Variants in CA10 observed in about 807,000 individuals in gnomAD.
CA10 encodes carbonic anhydrase 10 (inactive), also known as carbonic anhydrase-related protein 10.
Under a neutral mutation model 44.2 loss-of-function variants are expected in CA10, and 14 were observed. The ratio of observed to expected loss-of-function variants is 0.32; its 90% confidence interval spans 0.21 to 0.50. The LOEUF (loss-of-function observed/expected upper bound fraction) is 0.50, where lower values mean the gene tolerates loss of function less well. CA10 is among the 20% of genes least tolerant of loss of function. CA10 has a pLI of 0.99. For synonymous variants in CA10, 159 were observed against 141.6 expected, an observed-to-expected ratio of 1.12 and a Z score of -0.87; for missense variants, 350 against 409.7, an observed-to-expected ratio of 0.85 and a Z score of 1.26.
intron 2 of CA10, among the ~76,000 whole-genome samples, chr17:51,935,965 C>T (rs1982848534): frequency 6.6e-6 from 1 of 152,252 alleles, no homozygotes; most frequent in Non-Finnish European, 1.5e-5. Context: ...TTAGATTGTG[C>T]TTTTAGGCAT....
intron 3 of CA10, among the ~76,000 whole-genome samples, chr17:51,925,084 T>G (rs1196274252): frequency 6.6e-6 from 1 of 152,160 alleles, no homozygotes; most frequent in African/African-American, 2.4e-5. Flanking sequence ...AGATGGGGTC[T>G]TATTATGTTG....
At chr17:51,863,452 C>T (rs1315675688) in intron 3 of CA10, among the ~76,000 whole-genome samples, 2 of 152,192 alleles carry the variant, frequency 1.3e-5, no homozygotes, top group Admixed American at 1.3e-4. Flanking sequence ...AATAGCCTTA[C>T]CATTGCTGGG....
chr17:51,867,554 G>A (rs557445287), intron 3 of CA10, among the ~76,000 whole-genome samples: 2 of 152,286 alleles, frequency 1.3e-5, no homozygotes, highest in East Asian at 1.9e-4. Context: ...GAATTAAAGC[G>A]ATGTTGCAGG....
At chr17:52,126,944 A>T (rs1287637820) in intron 1 of CA10, among the ~76,000 whole-genome samples, 3 of 152,188 alleles carry the variant, frequency 2.0e-5, no homozygotes, top group African/African-American at 7.2e-5. Context: ...AAGTGAGGAG[A>T]GAATGTAGCA....
At chr17:51,705,768 C>T (rs1004472337) in intron 4 of CA10, among the ~76,000 whole-genome samples, 3 of 152,118 alleles carry the variant, frequency 2.0e-5, no homozygotes, top group African/African-American at 7.2e-5. Flanking sequence ...AAAATGGATG[C>T]AACAATAGCT....
intron 2 of CA10, among the ~76,000 whole-genome samples, chr17:52,068,824 G>C (rs951501339): frequency 1.3e-5 from 2 of 152,176 alleles, no homozygotes; most frequent in African/African-American, 4.8e-5. Context: ...GGCATGAATA[G>C]AACTGTTTAT....
At chr17:51,680,613 T>C (rs1914811998) in intron 4 of CA10, among the ~76,000 whole-genome samples, 2 of 152,258 alleles carry the variant, frequency 1.3e-5, no homozygotes, top group Admixed American at 6.5e-5. Flanking sequence ...TGGGTTGTCA[T>C]ACTAATTAGG....
chr17:52,129,580 G>A (rs1047827107), intron 1 of CA10, among the ~76,000 whole-genome samples: 1 of 152,212 alleles, frequency 6.6e-6, no homozygotes, highest in African/African-American at 2.4e-5. Flanking sequence ...AGCTTAACCA[G>A]TGAGACTTTC....
At chr17:51,699,357 A>T (rs886186966) in intron 4 of CA10, among the ~76,000 whole-genome samples, 5 of 151,890 alleles carry the variant, frequency 3.3e-5, no homozygotes, top group African/African-American at 1.2e-4. Flanking sequence ...CTTTGGGTAT[A>T]TACCCAGAAG....
chr17:51,681,673 T>A (rs936732173), intron 4 of CA10, among the ~76,000 whole-genome samples: 1 of 152,150 alleles, frequency 6.6e-6, no homozygotes, highest in African/African-American at 2.4e-5. Flanking sequence ...GAAAAATAAG[T>A]CGTGGCTGTT....
chr17:51,864,455 A>T (rs1979456064), intron 3 of CA10, among the ~76,000 whole-genome samples: 1 of 152,206 alleles, frequency 6.6e-6, no homozygotes, highest in Non-Finnish European at 1.5e-5. Context: ...TACTTCTGGC[A>T]TTTGAAGCCC....
intron 2 of CA10, among the ~76,000 whole-genome samples, chr17:52,062,906 C>T (rs564622933): frequency 6.6e-6 from 1 of 152,332 alleles, no homozygotes; most frequent in East Asian, 1.9e-4. Flanking sequence ...AATTATATAG[C>T]CACTGGCAAT....
chr17:52,041,410 G>C (rs1041771706), intron 2 of CA10, among the ~76,000 whole-genome samples: 1 of 151,982 alleles, frequency 6.6e-6, no homozygotes, highest in Admixed American at 6.5e-5. Context: ...ATGATTAGAA[G>C]ATAAATGGAA....
At chr17:51,822,837 T>G (rs1907864462) in intron 3 of CA10, among the ~76,000 whole-genome samples, 1 of 152,120 alleles carries the variant, frequency 6.6e-6, no homozygotes, top group South Asian at 2.1e-4. Flanking sequence ...GGTCCAAATA[T>G]CATGTGAGAA....
At chr17:51,847,482 T>G (rs1442525384) in intron 3 of CA10, among the ~76,000 whole-genome samples, 5 of 152,124 alleles carry the variant, frequency 3.3e-5, no homozygotes, top group African/African-American at 1.2e-4. Flanking sequence ...CCCCAACTTT[T>G]TTCAATATCA....
At chr17:51,807,745 C>T (rs1461471919) in intron 3 of CA10, among the ~76,000 whole-genome samples, 1 of 152,136 alleles carries the variant, frequency 6.6e-6, no homozygotes, top group African/African-American at 2.4e-5. Context: ...CAATGATGTG[C>T]AAAAGAAGTC....
intron 3 of CA10, among the ~76,000 whole-genome samples, chr17:51,783,043 G>C (rs1906121602): frequency 6.6e-6 from 1 of 152,230 alleles, no homozygotes; most frequent in South Asian, 2.1e-4. Flanking sequence ...TGAATGCTGA[G>C]TGACATAATA....
intron 8 of CA10, 83 bp downstream of exon 8, chr17:51,633,393 A>G (rs1480064858): frequency 7.9e-7 from 1 of 1,267,218 alleles, no homozygotes; most frequent in Non-Finnish European, 1.1e-6. Context: ...AATGGAAGAT[A>G]ATGCCAGGCC....
chr17:51,923,500 C>A (rs1982310457), intron 3 of CA10, among the ~76,000 whole-genome samples: 1 of 152,164 alleles, frequency 6.6e-6, no homozygotes, highest in Non-Finnish European at 1.5e-5. Context: ...AAATCAGTTA[C>A]TGCCATTTAG....
Sources: gnomAD v4.1 joint callset for allele counts (sites outside exome capture counted in the v4.1 genomes callset) on GRCh38, gnomAD v4.1.1 for gene constraint, MANE v1.5 for transcripts, NCBI Gene and HGNC (gene_info 2026-07-23, HGNC 2026-07-21) for gene names.